The following MACROD2 variants were observed in gnomAD, a reference collection of about 807,000 sequenced individuals.
MACROD2 encodes mono-ADP ribosylhydrolase 2, also known as ADP-ribose glycohydrolase MACROD2.
Under a neutral mutation model 70.4 loss-of-function variants are expected in MACROD2, and 36 were observed. The ratio of observed to expected loss-of-function variants is 0.51; its 90% CI spans 0.39 to 0.68. The LOEUF (loss-of-function observed/expected upper bound fraction) is 0.68, where lower values mean the gene tolerates loss of function less well. MACROD2 is among the 30% of genes least tolerant of loss of function. MACROD2 has a pLI of 0.00. For synonymous variants in MACROD2, 172 were observed against 178.8 expected (o/e 0.96, Z 0.30); for missense variants, 496 against 538.4 (o/e 0.92, Z 0.78).
At chr20:15,446,948 A>G (rs773050905) in intron 7 of MACROD2, among the ~76,000 whole-genome samples, 4 of 152,144 alleles carry the variant, frequency 2.6e-5, no homozygotes, top group Non-Finnish European at 5.9e-5. Context: ...AGTGATATGC[A>G]TCGAGTGATC....
At chr20:15,090,605 T>C (rs779812892) in intron 5 of MACROD2, among the ~76,000 whole-genome samples, 1 of 152,076 alleles carries the variant, frequency 6.6e-6, no homozygotes, top group Non-Finnish European at 1.5e-5. Context: ...GGTAGAATTA[T>C]ATGCATGAAT....
intron 8 of MACROD2, among the ~76,000 whole-genome samples, chr20:15,817,380 C>G (rs1445058004): frequency 1.3e-5 from 2 of 152,178 alleles, no homozygotes; most frequent in East Asian, 3.9e-4. Flanking sequence ...GAATCTTTCT[C>G]ACAATTGATC....
intron 3 of MACROD2, among the ~76,000 whole-genome samples, chr20:14,375,604 A>G (rs1337332166): frequency 6.6e-6 from 1 of 152,060 alleles, no homozygotes; most frequent in African/African-American, 2.4e-5. Context: ...GGTGAAACAG[A>G]GATTGGCAGC....
At chr20:14,560,088 T>C (rs1197340435) in intron 4 of MACROD2, among the ~76,000 whole-genome samples, 1 of 151,860 alleles carries the variant, frequency 6.6e-6, no homozygotes, top group Admixed American at 6.6e-5. Context: ...ACCTGTGCAT[T>C]TTCACCAGCC....
chr20:15,842,755 C>T (rs7353356), intron 8 of MACROD2, among the ~76,000 whole-genome samples: 113,704 of 139,232 alleles, frequency 0.82, 44,829 homozygotes, highest in East Asian at 0.95. Flanking sequence ...GAGAAATAGA[C>T]AGACAAATCT....
chr20:15,737,858 C>G (rs1243136274), intron 8 of MACROD2, among the ~76,000 whole-genome samples: 2 of 97,506 alleles, frequency 2.1e-5, no homozygotes, highest in Non-Finnish European at 5.0e-5. Flanking sequence ...GTAAATAAAT[C>G]AATGGATGGA....
At chr20:14,337,413 G>A (rs988159525) in intron 3 of MACROD2, 11 of 369,008 alleles carry the variant, frequency 3.0e-5, no homozygotes, top group African/African-American at 1.5e-4. Flanking sequence ...CCAGGAAGAC[G>A]AGAAAAAGCA....
intron 8 of MACROD2, among the ~76,000 whole-genome samples, chr20:15,645,967 C>T (rs2049534654): frequency 6.6e-6 from 1 of 152,144 alleles, no homozygotes; most frequent in South Asian, 2.1e-4. Flanking sequence ...GTTCACAAAT[C>T]CATATTATGC....
chr20:15,321,967 A>G (rs960599479), intron 6 of MACROD2, among the ~76,000 whole-genome samples: 1 of 143,042 alleles, frequency 7.0e-6, no homozygotes. Context: ...TAATTATTGT[A>G]TTTTTAGTAG....
At chr20:15,239,726 A>G (rs1271719913) in intron 6 of MACROD2, among the ~76,000 whole-genome samples, 1 of 152,168 alleles carries the variant, frequency 6.6e-6, no homozygotes, top group Non-Finnish European at 1.5e-5. Flanking sequence ...AAGAGGCATG[A>G]CTCACATTGA....
chr20:15,185,740 A>G (rs2076530414), intron 5 of MACROD2, among the ~76,000 whole-genome samples: 1 of 152,218 alleles, frequency 6.6e-6, no homozygotes, highest in Non-Finnish European at 1.5e-5. Flanking sequence ...TTTCTAAACT[A>G]TGAACCAGAG....
At chr20:16,031,772 G>A (rs867015670) in intron 15 of MACROD2, among the ~76,000 whole-genome samples, 4 of 151,920 alleles carry the variant, frequency 2.6e-5, no homozygotes, top group South Asian at 2.1e-4. Context: ...AAGTATGTAC[G>A]TATTATAAAT....
At chr20:14,902,678 A>G (rs541859549) in intron 5 of MACROD2, among the ~76,000 whole-genome samples, 2 of 152,202 alleles carry the variant, frequency 1.3e-5, no homozygotes, top group South Asian at 2.1e-4. Context: ...AGAAAGACTG[A>G]AAAAAATAGG....
chr20:15,980,616 A>T (rs1221512720), intron 13 of MACROD2, among the ~76,000 whole-genome samples: 3 of 152,178 alleles, frequency 2.0e-5, no homozygotes, highest in African/African-American at 7.2e-5. Flanking sequence ...CCACCTTCTA[A>T]ACATGGCTTT....
Position 14,324,140 on chromosome 20 carries a change from A to T in MACROD2, c.272-169339A>T, listed in dbSNP as rs187418065. On this transcript the variant is annotated intron_variant, in intron 3 of 17. Transcript: ENST00000684519. ...CAAGCACAATTATTCTGTACTTTTT[A>T]AAAGTTTTATTCAGCAATAAGACCA... 426 of 152,750 alleles carry T rather than the reference A, an allele frequency of 2.8e-3. 2 individuals are homozygous for T. Among genetic ancestry groups the T allele is most frequent in the Non-Finnish European group, 2.9e-3 (194 of 68,032 alleles). The allele number at this position is 152,750 out of a possible 1,614,324, so 9.5% of individuals were successfully genotyped here.
intron 4 of MACROD2, among the ~76,000 whole-genome samples, chr20:14,516,953 G>C (rs1411111485): frequency 3.3e-5 from 5 of 152,150 alleles, no homozygotes; most frequent in Admixed American, 1.3e-4. Context: ...ATCATCACTG[G>C]TCATTAGAGA....
chr20:14,339,082 A>G (rs982170260), intron 3 of MACROD2, among the ~76,000 whole-genome samples: 1 of 152,166 alleles, frequency 6.6e-6, no homozygotes, highest in South Asian at 2.1e-4. Flanking sequence ...TCCCAGGACT[A>G]TTTGATTGTG....
At chr20:15,702,171 G>T (rs898618986) in intron 8 of MACROD2, among the ~76,000 whole-genome samples, 2 of 151,934 alleles carry the variant, frequency 1.3e-5, no homozygotes, top group Non-Finnish European at 2.9e-5. Context: ...TTTCCTTTAG[G>T]TATCTACCCC....
intron 5 of MACROD2, among the ~76,000 whole-genome samples, chr20:15,039,987 T>C (rs1057193516): frequency 6.6e-6 from 1 of 152,130 alleles, no homozygotes; most frequent in African/African-American, 2.4e-5. Flanking sequence ...TTCAATTACT[T>C]AGTGGCATTT....
Sources: allele counts gnomAD v4.1 joint callset (sites outside exome capture counted in the v4.1 genomes callset), GRCh38; gene constraint gnomAD v4.1.1; transcripts MANE v1.5; gene names NCBI Gene and HGNC (gene_info 2026-07-23, HGNC 2026-07-21).